Variants in DST observed in about 807,000 individuals in gnomAD.
DST encodes dystonin.
DST carries 253 observed loss-of-function variants against 875.2 expected under a neutral mutation model. The observed-to-expected ratio is 0.29, with a 90% confidence interval of 0.26 to 0.32. The LOEUF is 0.32. Among genes scored for constraint, DST ranks in the 10% least tolerant of loss-of-function variants. DST has a pLI of 1.00. For missense variants in DST, 8,287 were observed against 9,111.6 expected (o/e 0.91, Z 3.68); for synonymous variants, 3,124 against 3,197.1 (o/e 0.98, Z 0.77).
chr6:56,636,287 CATATACAT>C (rs550027091), intron 23 of DST, among the ~76,000 whole-genome samples: 4 of 148,184 alleles, frequency 2.7e-5, no homozygotes, highest in South Asian at 2.1e-4. Flanking sequence ...CACACACACA[CATATACAT>C]ATATACATAT....
intron 2 of DST, among the ~76,000 whole-genome samples, chr6:56,937,937 A>C (rs1813875529): frequency 6.6e-6 from 1 of 152,124 alleles, no homozygotes; most frequent in African/African-American, 2.4e-5. Context: ...CTTATATGCA[A>C]TGTCCAGGAG....
rs747159473 is a variant in DST at position 56,600,141 on chromosome 6, T to A, written c.11622A>T (p.Leu3874=). ...TCATGAAGGCTTCTTGGTGACCAAT[T>A]AGGCGGTTTTCAGTTTGGGTAAGAA... ...CDLLTQTENR[L]IGHQEAFMIG... The change falls in exon 45 of 104, where the codon CTA becomes CTT. Residue 3874 remains leucine (L), a synonymous_variant. Coordinates refer to ENST00000680361, the MANE Select transcript of DST (RefSeq NM_001374736.1). 2 of 1,613,054 alleles carry A rather than the reference T, an allele frequency of 1.2e-6. No homozygotes were observed. The highest frequency in any genetic ancestry group is 1.7e-6 in the Non-Finnish European group (2 of 1,179,212).
At position 56,609,208 on chromosome 6, in the gene DST, A is replaced by G; in HGVS notation, c.5420T>C (p.Leu1807Pro). The change falls in exon 40 of 104, where the codon CTA (leucine) becomes CCA (proline). Residue 1807 changes from leucine to proline, a missense_variant. Transcript: ENST00000680361. ...LLETQLMISG[L>P]ISPELRKCFD... is the part of the protein sequence containing the mutation. ...GCACTTTCTTAATTCTGGTGAAATT[A>G]GACCAGAAATCATTAGCTGTGTCTC... 2 of 1,613,840 alleles carry G rather than the reference A, an allele frequency of 1.2e-6. No homozygotes were observed. The highest frequency in any genetic ancestry group is 1.7e-6 in the Non-Finnish European group (2 of 1,179,750).
intron 4 of DST, among the ~76,000 whole-genome samples, chr6:56,780,033 T>C (rs1277936221): frequency 4.0e-5 from 6 of 151,728 alleles, no homozygotes; most frequent in African/African-American, 7.3e-5. Context: ...ATTTCATCCA[T>C]GTCCCTACAA....
At chr6:56,691,686 G>C (rs2099231091) in intron 9 of DST, among the ~76,000 whole-genome samples, 1 of 152,092 alleles carries the variant, frequency 6.6e-6, no homozygotes, top group Non-Finnish European at 1.5e-5. Flanking sequence ...AAAAACCCCA[G>C]ATAAGTAACT....
intron 4 of DST, among the ~76,000 whole-genome samples, chr6:56,769,921 A>T (rs910835920): frequency 1.3e-5 from 2 of 152,250 alleles, no homozygotes; most frequent in Non-Finnish European, 2.9e-5. Flanking sequence ...ACATGGAGTT[A>T]ACACATACGA....
At chr6:56,908,457 G>A (rs1797420814) in intron 2 of DST, among the ~76,000 whole-genome samples, 3 of 152,164 alleles carry the variant, frequency 2.0e-5, no homozygotes, top group Admixed American at 6.5e-5. Flanking sequence ...CAGTACCTGT[G>A]ACTTTTGCCA....
At chr6:56,840,568 T>C (rs750170197) in intron 4 of DST, among the ~76,000 whole-genome samples, 1 of 152,240 alleles carries the variant, frequency 6.6e-6, no homozygotes, top group African/African-American at 2.4e-5. Context: ...CCCTTCTTTG[T>C]AGCAAATAGC....
At chr6:56,588,244 C>G (rs543475631) in intron 49 of DST, among the ~76,000 whole-genome samples, 1 of 152,300 alleles carries the variant, frequency 6.6e-6, no homozygotes, top group Middle Eastern at 3.4e-3. Flanking sequence ...TACCTTCAAT[C>G]TCAACTTTCT....
At chr6:56,567,539 A>T (rs552377748) in intron 55 of DST, among the ~76,000 whole-genome samples, 2 of 152,230 alleles carry the variant, frequency 1.3e-5, no homozygotes, top group East Asian at 3.9e-4. Context: ...AATAAAGCAC[A>T]GTAGAATTCC....
intron 88 of DST, chr6:56,483,977 A>G (rs1043366995): frequency 6.6e-6 from 1 of 152,188 alleles, no homozygotes; most frequent in Non-Finnish European, 1.5e-5. Context: ...CCCATTTATG[A>G]TAGGACTAGT....
Position 56,463,649 on chromosome 6 carries a change from G to T in DST, c.22875C>A (p.Gly7625=), listed in dbSNP as rs2094445311. The change falls in exon 101 of 104, where the codon GGC becomes GGA. Residue 7625 remains glycine, a synonymous_variant. Coordinates refer to ENST00000680361, the MANE Select transcript of DST (RefSeq NM_001374736.1). ...RGRRSRPSSR[G]ASPNRSTSVS... ...CAGAAGTGGATCTGTTGGGTGAAGCGCCTCGTGATGATGGCCGGGATCTTC... is the reference window on the plus strand; with the variant it reads ...CAGAAGTGGATCTGTTGGGTGAAGCTCCTCGTGATGATGGCCGGGATCTTC... 1 of 1,613,950 alleles carries T rather than the reference G, an allele frequency of 6.2e-7. No homozygotes were observed. Among genetic ancestry groups the T allele is most frequent in the Non-Finnish European group, 8.5e-7 (1 of 1,179,870 alleles).
At chr6:56,511,857 G>T (rs1444300888) in intron 72 of DST, among the ~76,000 whole-genome samples, 1 of 152,004 alleles carries the variant, frequency 6.6e-6, no homozygotes, top group Non-Finnish European at 1.5e-5. Context: ...GACAAGACGG[G>T]GGGAAGGAGG....
rs888146420 is a variant in DST at position 56,648,813 on chromosome 6, A to G, written c.1435-124T>C. ...TGAAGCCTGACAGACAGAACCAGCTAAATGTTTTCTTACTTTCACCCAGCC... is the reference window on the plus strand; with the variant it reads ...TGAAGCCTGACAGACAGAACCAGCTGAATGTTTTCTTACTTTCACCCAGCC... On this transcript the variant is annotated intron_variant, in intron 12 of 103. Transcript: ENST00000680361. 2.8e-5 allele frequency: 23 copies of G among 812,806 alleles called. No homozygotes were observed. In the African/African-American group the frequency reaches 3.9e-4, roughly 14 times the overall value. The allele number at this position is 812,806 out of a possible 1,614,324, so 50.3% of individuals were successfully genotyped here. A position where few individuals can be genotyped will look rare whatever the true frequency, so the allele number is the denominator to read the frequency against.
Position 56,676,912 on chromosome 6 carries a change from C to T in DST, c.1048-6105G>A, listed in dbSNP as rs572670548. Among the ~76,000 whole-genome samples the T allele has an allele frequency of 3.3e-5, 5 of 152,086 alleles. No homozygotes were observed. The South Asian group carries it at 8.3e-4, about 25-fold the overall frequency. ...GGGGTGGAAGTGATTGGGGCGATAT[C>T]GGTCAAAGGATGCAAAATTTCAGTT... On this transcript the variant is annotated intron_variant, in intron 9 of 103. Transcript: ENST00000680361.
chr6:56,630,990 C>T (rs979134258), intron 30 of DST, among the ~76,000 whole-genome samples: 1 of 151,960 alleles, frequency 6.6e-6, no homozygotes, highest in Non-Finnish European at 1.5e-5. Flanking sequence ...ACCATGTTGG[C>T]CAAGCTGGTA....
intron 5 of DST, among the ~76,000 whole-genome samples, chr6:56,722,446 C>T (rs1237634995): frequency 2.6e-5 from 4 of 152,140 alleles, no homozygotes; most frequent in African/African-American, 7.2e-5. Flanking sequence ...TGCAGTGGTG[C>T]AATCTCGGCT....
intron 5 of DST, among the ~76,000 whole-genome samples, chr6:56,706,338 G>GA (rs969073648): frequency 4.6e-5 from 7 of 150,804 alleles, no homozygotes; most frequent in Non-Finnish European, 1.0e-4. Context: ...AAGAAAGAAA[G>GA]AAAGAAAAAC....
intron 13 of DST, among the ~76,000 whole-genome samples, chr6:56,647,933 A>G (rs2098953180): frequency 6.6e-6 from 1 of 152,022 alleles, no homozygotes; most frequent in South Asian, 2.1e-4. Flanking sequence ...TGATCCACCC[A>G]TCTTGGCCTC....
Sources: gnomAD v4.1 joint callset for allele counts (sites outside exome capture counted in the v4.1 genomes callset) on GRCh38, gnomAD v4.1.1 for gene constraint, MANE v1.5 for transcripts, NCBI Gene and HGNC (gene_info 2026-07-23, HGNC 2026-07-21) for gene names.